Variants in NAV2 observed in about 807,000 individuals in gnomAD.
NAV2 encodes helicase, APC down-regulated 1.
Under a neutral mutation model 223.2 loss-of-function variants are expected in NAV2, and 54 were observed. That is an observed-to-expected ratio of 0.24 (90% CI 0.19 to 0.30). NAV2 has a LOEUF of 0.30. NAV2 is among the 10% of genes least tolerant of loss of function. The pLI is 1.00. For missense variants in NAV2, 2,806 were observed against 3,147.5 expected (o/e 0.89, Z 2.60); for synonymous variants, 1,279 against 1,239.3 (o/e 1.03, Z -0.67).
intron 1 of NAV2, among the ~76,000 whole-genome samples, chr11:19,521,418 C>T (rs927814165): frequency 1.2e-4 from 19 of 152,124 alleles, no homozygotes; most frequent in Admixed American, 6.5e-4. Flanking sequence ...TCGGAGCTGG[C>T]TCTCTAAGTG....
rs140377791 is a variant in NAV2 at position 19,450,170 on chromosome 11, C to T, written c.75+99143C>T. 5.3e-5 allele frequency among the ~76,000 whole-genome samples: 8 copies of T among 152,240 alleles called. No homozygotes were observed. In the South Asian group the frequency reaches 6.2e-4, roughly 12 times the overall value. On this transcript the variant is annotated intron_variant, in intron 1 of 37. Coordinates refer to the NAV2 transcript ENST00000360655. ...CAGTGGAGCTGCAGGGGTGAGCAGC[C>T]GCATGGTACACATGGATTTTTAAAA... is the stretch of plus-strand genomic sequence containing the variant.
At chr11:19,541,197 G>A (rs2044331455) in intron 1 of NAV2, among the ~76,000 whole-genome samples, 1 of 152,212 alleles carries the variant, frequency 6.6e-6, no homozygotes, top group Non-Finnish European at 1.5e-5. Context: ...AGAAGTGGAG[G>A]CAGATGAGTT....
rs997502662 is a variant in NAV2 at position 19,926,330 on chromosome 11, T to C, written c.932-6846T>C. Among the ~76,000 whole-genome samples, 147 of 152,290 alleles carry C rather than the reference T, an allele frequency of 9.7e-4. 1 individual carries two copies. Among genetic ancestry groups the C allele is most frequent in the African/African-American group, 3.4e-3 (140 of 41,564 alleles). On this transcript the variant is annotated intron_variant, in intron 6 of 37. Transcript: ENST00000349880. ...CTCCATGCCCTCTCACTCTCCTGTC[T>C]CCATTCTTTGTTTGTCCTCGTGCCC... is the stretch of plus-strand genomic sequence containing the variant.
chr11:19,475,750 C>A (rs979460916), intron 1 of NAV2, among the ~76,000 whole-genome samples: 2 of 152,062 alleles, frequency 1.3e-5, no homozygotes, highest in African/African-American at 4.8e-5. Context: ...TGAGGACGTG[C>A]AGATAAAAGT....
At chr11:19,632,619 A>G (rs1318886596) in intron 1 of NAV2, among the ~76,000 whole-genome samples, 4 of 152,192 alleles carry the variant, frequency 2.6e-5, no homozygotes, top group African/African-American at 9.6e-5. Flanking sequence ...TCCTTGGAGC[A>G]AACTCAGCAG....
intron 1 of NAV2, among the ~76,000 whole-genome samples, chr11:19,482,612 C>T (rs1033935833): frequency 1.1e-4 from 16 of 152,214 alleles, no homozygotes; most frequent in African/African-American, 2.4e-4. Context: ...ACACCAGCAC[C>T]GCCCTCCCCA....
intron 1 of NAV2, among the ~76,000 whole-genome samples, chr11:19,360,718 C>A (rs1373368125): frequency 6.6e-6 from 1 of 151,966 alleles, no homozygotes; most frequent in African/African-American, 2.4e-5. Context: ...TTGGGAAAAA[C>A]CTGGTAGAAA....
At chr11:19,694,092 T>A (rs2049259968) in intron 1 of NAV2, among the ~76,000 whole-genome samples, 1 of 152,170 alleles carries the variant, frequency 6.6e-6, no homozygotes, top group Non-Finnish European at 1.5e-5. Flanking sequence ...TGTCTCAGGT[T>A]GGGTTCCACA....
At chr11:19,490,005 AT>A (rs1288728302) in intron 1 of NAV2, among the ~76,000 whole-genome samples, 2 of 152,152 alleles carry the variant, frequency 1.3e-5, no homozygotes, top group African/African-American at 4.8e-5. Context: ...TGAATTTTTT[AT>A]TTTTCCAGTA....
chr11:19,404,510 C>A (rs1425686472), intron 1 of NAV2, among the ~76,000 whole-genome samples: 1 of 151,590 alleles, frequency 6.6e-6, no homozygotes, highest in East Asian at 1.9e-4. Context: ...GAGAAATCAA[C>A]CTTCAGCTTT....
chr11:19,893,118 A>G (rs928427619), intron 6 of NAV2, among the ~76,000 whole-genome samples: 1 of 146,994 alleles, frequency 6.8e-6, no homozygotes, highest in African/African-American at 2.5e-5. Flanking sequence ...GTGATGATGT[A>G]ACTTTTGCCA....
intron 1 of NAV2, among the ~76,000 whole-genome samples, chr11:19,568,336 C>T (rs1054997662): frequency 1.1e-4 from 16 of 152,290 alleles, no homozygotes; most frequent in Non-Finnish European, 1.5e-4. Flanking sequence ...TACTGAGACC[C>T]TGAGAGAGGC....
intron 1 of NAV2, among the ~76,000 whole-genome samples, chr11:19,810,384 G>A (rs1020067162): frequency 2.0e-5 from 3 of 152,052 alleles, no homozygotes; most frequent in Non-Finnish European, 2.9e-5. Context: ...AAGGATCCCT[G>A]GTTCTTTTGG....
intron 3 of NAV2, among the ~76,000 whole-genome samples, chr11:19,860,440 G>A (rs11025295): frequency 0.079 from 11,868 of 150,726 alleles, 487 homozygotes; most frequent in Admixed American, 0.12. Context: ...ATGGGTGGCC[G>A]GGCAGAGACG....
intron 3 of NAV2, among the ~76,000 whole-genome samples, chr11:19,844,380 G>C (rs1228302074): frequency 6.6e-6 from 1 of 152,104 alleles, no homozygotes; most frequent in Non-Finnish European, 1.5e-5. Flanking sequence ...ATTCTATTTG[G>C]TGCACCTCTA....
chr11:19,403,320 T>C lies in NAV2; in HGVS notation c.75+52293T>C, dbSNP rs1375538216. 2.6e-5 allele frequency among the ~76,000 whole-genome samples: 4 copies of C among 152,106 alleles called. No individual in the cohort carries two copies. The East Asian group carries it at 5.8e-4, about 22-fold the overall frequency. On this transcript the variant is annotated intron_variant, in intron 1 of 37. Transcript: ENST00000360655. ...GGAGGTCAGCATGCCCCAGGGGAGA[T>C]AGCAAAGCATACCAACAATGATACT...
At chr11:19,639,919 G>A (rs1323561284) in intron 1 of NAV2, among the ~76,000 whole-genome samples, 2 of 152,328 alleles carry the variant, frequency 1.3e-5, no homozygotes, top group East Asian at 3.9e-4. Flanking sequence ...CTGGTTGGCA[G>A]CCAAGGGGAT....
chr11:19,581,019 C>A (rs1022947962), intron 1 of NAV2, among the ~76,000 whole-genome samples: 3 of 152,202 alleles, frequency 2.0e-5, no homozygotes, highest in African/African-American at 4.8e-5. Context: ...TGATTACTAA[C>A]AAGGTGGATA....
chr11:20,053,828 G>A (rs1284347732), intron 17 of NAV2, among the ~76,000 whole-genome samples: 1 of 152,180 alleles, frequency 6.6e-6, no homozygotes, highest in Admixed American at 6.5e-5. Flanking sequence ...GCTCTTCTGA[G>A]CATTTACCAA....
Sources: allele counts gnomAD v4.1 joint callset (sites outside exome capture counted in the v4.1 genomes callset), GRCh38; gene constraint gnomAD v4.1.1; transcripts MANE v1.5; gene names NCBI Gene and HGNC (gene_info 2026-07-23, HGNC 2026-07-21).